Variants in FAF1 observed in about 807,000 individuals in gnomAD.
The protein encoded by FAF1 is Fas associated factor 1, also known as FAS-associated factor 1.
A neutral mutation model predicts 92.5 loss-of-function variants in FAF1; 25 were observed. The observed-to-expected ratio is 0.27, with a 90% CI of 0.20 to 0.38. The LOEUF (loss-of-function observed/expected upper bound fraction) is 0.38, where lower values mean the gene tolerates loss of function less well. FAF1 is among the 10% of genes least tolerant of loss of function. The pLI, the probability that FAF1 is intolerant of heterozygous loss-of-function variation, is 1.00. For missense variants in FAF1, 636 were observed against 793.3 expected, an observed-to-expected ratio of 0.80 and a Z score of 2.38; for synonymous variants, 234 against 273.2, an observed-to-expected ratio of 0.86 and a Z score of 1.42.
At chr1:50,933,625 T>C (rs529757244) in intron 1 of FAF1, among the ~76,000 whole-genome samples, 1 of 152,374 alleles carries the variant, frequency 6.6e-6, no homozygotes, top group South Asian at 2.1e-4. Flanking sequence ...CCTCTGCCTG[T>C]TACCCAGTTC....
chr1:50,852,575 G>A (rs1644359752), intron 2 of FAF1, among the ~76,000 whole-genome samples: 1 of 152,134 alleles, frequency 6.6e-6, no homozygotes, highest in South Asian at 2.1e-4. Flanking sequence ...GTACAGAGAA[G>A]AAAAGCATAC....
chr1:50,458,412 CAA>C (rs1183108444), intron 18 of FAF1, among the ~76,000 whole-genome samples: 2 of 152,062 alleles, frequency 1.3e-5, no homozygotes, highest in African/African-American at 4.8e-5. Flanking sequence ...AAAATGGAGA[CAA>C]TATCTATCTT....
chr1:50,916,030 C>A (rs1430637937), intron 1 of FAF1, among the ~76,000 whole-genome samples: 2 of 152,192 alleles, frequency 1.3e-5, no homozygotes, highest in Non-Finnish European at 1.5e-5. Context: ...TTTGATAATT[C>A]CAGCCCATGT....
chr1:50,739,964 G>C (rs1659319133), intron 5 of FAF1, among the ~76,000 whole-genome samples: 2 of 152,044 alleles, frequency 1.3e-5, no homozygotes, highest in African/African-American at 4.8e-5. Context: ...AATGTTTCTT[G>C]AAACCAATAC....
intron 13 of FAF1, among the ~76,000 whole-genome samples, chr1:50,561,841 G>A (rs959436674): frequency 6.8e-6 from 1 of 146,408 alleles, no homozygotes; most frequent in Non-Finnish European, 1.5e-5. Context: ...ACGGATGGAC[G>A]GATGGACGGA....
Position 50,818,329 on chromosome 1 carries a change from T to C in FAF1, c.115-16652A>G, listed in dbSNP as rs1643997808. 3.3e-5 allele frequency among the ~76,000 whole-genome samples: 5 copies of C among 152,320 alleles called. No individual in the cohort carries two copies. The South Asian group carries it at 1.0e-3, about 32-fold the overall frequency. On this transcript the variant is annotated intron_variant, in intron 2 of 18. Coordinates refer to ENST00000396153, the MANE Select transcript of FAF1 (RefSeq NM_007051.3). Reference sequence around the variant, plus strand: ...TGGTGCAGCTACTTTGGAAACAGCATGGCAGTTTCATATAAAGCTAAATAA... The same window carrying C: ...TGGTGCAGCTACTTTGGAAACAGCACGGCAGTTTCATATAAAGCTAAATAA...
At chr1:50,852,271 AAAGT>A (rs1457077060) in intron 2 of FAF1, among the ~76,000 whole-genome samples, 1 of 152,228 alleles carries the variant, frequency 6.6e-6, no homozygotes, top group Non-Finnish European at 1.5e-5. Flanking sequence ...CAGACAAGAA[AAAGT>A]AATATCAGTA....
intron 15 of FAF1, among the ~76,000 whole-genome samples, chr1:50,500,893 A>G (rs1646975724): frequency 6.6e-6 from 1 of 152,184 alleles, no homozygotes; most frequent in Admixed American, 6.5e-5. Context: ...AAGAGTTATA[A>G]AACATTTCTT....
intron 5 of FAF1, among the ~76,000 whole-genome samples, chr1:50,739,908 A>G (rs1042324560): frequency 6.6e-6 from 1 of 152,180 alleles, no homozygotes; most frequent in Non-Finnish European, 1.5e-5. Flanking sequence ...ATTCACATAC[A>G]TTTCAAACTC....
chr1:50,837,333 C>T (rs542648951), intron 2 of FAF1, among the ~76,000 whole-genome samples: 1 of 152,186 alleles, frequency 6.6e-6, no homozygotes, highest in East Asian at 1.9e-4. Flanking sequence ...GTTGTCTTTT[C>T]TCTTGGTCTT....
intron 1 of FAF1, among the ~76,000 whole-genome samples, chr1:50,877,710 C>A (rs72904734): frequency 3.9e-5 from 6 of 152,034 alleles, no homozygotes; most frequent in African/African-American, 1.4e-4. Flanking sequence ...ACCCTCCTGG[C>A]CAGGAAGAAA....
chr1:50,729,053 TATA>T (rs1305544575), intron 6 of FAF1, among the ~76,000 whole-genome samples: 150 of 99,580 alleles, frequency 1.5e-3, no homozygotes, highest in African/African-American at 5.6e-3. Flanking sequence ...TATATATATA[TATA>T]TATTTTTTTT....
chr1:50,888,994 C>T (rs908341887), intron 1 of FAF1, among the ~76,000 whole-genome samples: 239 of 152,140 alleles, frequency 1.6e-3, no homozygotes, highest in African/African-American at 5.3e-3. Flanking sequence ...CATCTGGTCC[C>T]GGACTTTTTT....
At chr1:50,569,200 C>T (rs184510722) in intron 12 of FAF1, among the ~76,000 whole-genome samples, 1 of 152,104 alleles carries the variant, frequency 6.6e-6, no homozygotes, top group African/African-American at 2.4e-5. Flanking sequence ...TTCCGTGATT[C>T]CCTCAGGCAG....
chr1:50,611,286 C>T (rs1557434200), intron 8 of FAF1, among the ~76,000 whole-genome samples: 2 of 152,106 alleles, frequency 1.3e-5, no homozygotes, highest in African/African-American at 4.8e-5. Flanking sequence ...CTAATATTTG[C>T]TTTTTTCCAC....
chr1:50,633,995 A>G (rs1035252555), intron 8 of FAF1, among the ~76,000 whole-genome samples: 1 of 152,352 alleles, frequency 6.6e-6, no homozygotes, highest in East Asian at 1.9e-4. Flanking sequence ...GGCTCTGGGA[A>G]CAATCAGTAC....
At chr1:50,953,654 G>A (rs752619166) in intron 1 of FAF1, among the ~76,000 whole-genome samples, 4 of 151,794 alleles carry the variant, frequency 2.6e-5, no homozygotes, top group East Asian at 2.0e-4. Flanking sequence ...GAGGAGAATC[G>A]CTTGAACCCA....
chr1:50,953,197 T>G (rs926082748), intron 1 of FAF1, among the ~76,000 whole-genome samples: 3 of 152,008 alleles, frequency 2.0e-5, no homozygotes, highest in Non-Finnish European at 4.4e-5. Context: ...GAAGGCAGCA[T>G]GCTCCTTAAG....
At chr1:50,865,079 A>T (rs1342634967) in intron 1 of FAF1, among the ~76,000 whole-genome samples, 1 of 152,230 alleles carries the variant, frequency 6.6e-6, no homozygotes, top group Non-Finnish European at 1.5e-5. Context: ...CAAAAAACAC[A>T]TGAAAAAATC....
Sources: gnomAD v4.1 joint callset for allele counts (sites outside exome capture counted in the v4.1 genomes callset) on GRCh38, gnomAD v4.1.1 for gene constraint, MANE v1.5 for transcripts, NCBI Gene and HGNC (gene_info 2026-07-23, HGNC 2026-07-21) for gene names.